The following EYS variants were observed in gnomAD, a reference collection of about 807,000 sequenced individuals.
EYS encodes the protein EGF-like photoreceptor maintenance factor.
EYS carries 250 observed loss-of-function variants against 282.1 expected under a neutral mutation model. The ratio of observed to expected loss-of-function variants is 0.89; its 90% CI spans 0.80 to 0.98. The LOEUF (loss-of-function observed/expected upper bound fraction) is 0.98, where lower values mean the gene tolerates loss of function less well. EYS is among the 50% of genes least tolerant of loss of function. The pLI, the probability that EYS is intolerant of heterozygous loss-of-function variation, is 0.00. For missense variants in EYS, 4,016 were observed against 3,709.0 expected (o/e 1.08, Z -2.15); for synonymous variants, 1,355 against 1,282.9 (o/e 1.06, Z -1.20).
intron 1 of EYS, among the ~76,000 whole-genome samples, chr6:65,646,928 A>T (rs914356580): frequency 1.3e-5 from 2 of 151,894 alleles, no homozygotes; most frequent in African/African-American, 4.9e-5. Context: ...AGCATAAAAA[A>T]TAAAATACTT....
chr6:64,581,809 C>G (rs1210313662), intron 26 of EYS, among the ~76,000 whole-genome samples: 1 of 152,144 alleles, frequency 6.6e-6, no homozygotes, highest in East Asian at 1.9e-4. Flanking sequence ...GATCTAAGGG[C>G]TTCACGAAGG....
chr6:63,736,466 A>G (rs967893981), intron 41 of EYS, among the ~76,000 whole-genome samples: 2 of 152,050 alleles, frequency 1.3e-5, no homozygotes, highest in African/African-American at 4.8e-5. Flanking sequence ...TGGTACCAGT[A>G]CCATGCTGTT....
At chr6:64,707,433 A>G (rs558095874) in intron 22 of EYS, among the ~76,000 whole-genome samples, 28 of 151,962 alleles carry the variant, frequency 1.8e-4, no homozygotes, top group Non-Finnish European at 2.4e-4. Flanking sequence ...ACTTTGGGAG[A>G]CCGAGGTGGG....
At chr6:63,755,986 T>G (rs1346169321) in intron 41 of EYS, among the ~76,000 whole-genome samples, 1 of 152,240 alleles carries the variant, frequency 6.6e-6, no homozygotes, top group Admixed American at 6.5e-5. Flanking sequence ...TCTTGTATCC[T>G]GAGACTTTGC....
Position 64,961,726 on chromosome 6 carries a change from C to T in EYS, c.2260-15812G>A, listed in dbSNP as rs964552773. Among the ~76,000 whole-genome samples, 30 of 151,694 alleles carry T rather than the reference C, an allele frequency of 2.0e-4. 1 individual carries two copies. Among genetic ancestry groups the T allele is most frequent in the African/African-American group, 7.1e-4 (29 of 41,048 alleles). ...ATTAATCCTCTCCCAACTCACAATCCTACCAATACACCTTTATAATGCTCA... is the reference window on the plus strand; with the variant it reads ...ATTAATCCTCTCCCAACTCACAATCTTACCAATACACCTTTATAATGCTCA... On this transcript the variant is annotated intron_variant, in intron 14 of 42. Coordinates refer to ENST00000503581, the MANE Select transcript of EYS (RefSeq NM_001142800.2).
intron 36 of EYS, among the ~76,000 whole-genome samples, chr6:63,808,952 G>C (rs1178033356): frequency 6.6e-6 from 1 of 152,092 alleles, no homozygotes; most frequent in Non-Finnish European, 1.5e-5. Context: ...GTCGCTACTA[G>C]AAAACAAAAT....
intron 2 of EYS, among the ~76,000 whole-genome samples, chr6:65,628,534 T>C (rs527373830): frequency 6.6e-6 from 1 of 152,246 alleles, no homozygotes; most frequent in South Asian, 2.1e-4. Flanking sequence ...TGCACACTCT[T>C]TGGGTCCACG....
At chr6:65,399,344 C>A (rs983996431) in intron 7 of EYS, among the ~76,000 whole-genome samples, 1 of 151,812 alleles carries the variant, frequency 6.6e-6, no homozygotes, top group African/African-American at 2.4e-5. Context: ...CATGTCACCG[C>A]CCAAGTCAAG....
intron 2 of EYS, among the ~76,000 whole-genome samples, chr6:65,496,795 G>A (rs763230140): frequency 2.6e-5 from 4 of 151,998 alleles, no homozygotes; most frequent in Non-Finnish European, 5.9e-5. Flanking sequence ...ATTTTCTACT[G>A]TACTATAAAG....
intron 35 of EYS, among the ~76,000 whole-genome samples, chr6:63,982,902 A>G (rs929403403): frequency 6.6e-6 from 1 of 151,924 alleles, no homozygotes; most frequent in African/African-American, 2.4e-5. Context: ...AATATTTCAG[A>G]CATTAACACA....
At chr6:64,675,327 T>C (rs1769613082) in intron 22 of EYS, among the ~76,000 whole-genome samples, 2 of 152,064 alleles carry the variant, frequency 1.3e-5, no homozygotes, top group Non-Finnish European at 2.9e-5. Flanking sequence ...CAGTTCTTAA[T>C]AAATGCAATA....
chr6:64,043,723 T>G (rs1770495486), intron 33 of EYS, among the ~76,000 whole-genome samples: 1 of 152,226 alleles, frequency 6.6e-6, no homozygotes, highest in Non-Finnish European at 1.5e-5. Flanking sequence ...TATAATACTC[T>G]CTAACACTGT....
intron 5 of EYS, among the ~76,000 whole-genome samples, chr6:65,421,138 C>T (rs1385524221): frequency 1.3e-5 from 2 of 151,826 alleles, no homozygotes; most frequent in East Asian, 1.9e-4. Context: ...TTGACTTTTC[C>T]TCTCTAGCTG....
At chr6:65,230,064 A>G (rs1157071988) in intron 12 of EYS, among the ~76,000 whole-genome samples, 2 of 151,968 alleles carry the variant, frequency 1.3e-5, no homozygotes, top group South Asian at 2.1e-4. Flanking sequence ...TCAATGAACT[A>G]TGAAAAGTGA....
chr6:63,959,949 A>C (rs1765984992), intron 35 of EYS, among the ~76,000 whole-genome samples: 1 of 152,096 alleles, frequency 6.6e-6, no homozygotes, highest in Non-Finnish European at 1.5e-5. Flanking sequence ...TAGGTGCAGC[A>C]AACCACCATG....
chr6:65,078,746 G>C (rs996198005), intron 12 of EYS, among the ~76,000 whole-genome samples: 2 of 151,878 alleles, frequency 1.3e-5, no homozygotes, highest in Non-Finnish European at 2.9e-5. Flanking sequence ...ATTTGTCCCT[G>C]CCCAAATCTC....
chr6:65,518,525 TC>T (rs1451177267), intron 2 of EYS, among the ~76,000 whole-genome samples: 2 of 152,182 alleles, frequency 1.3e-5, no homozygotes, highest in African/African-American at 4.8e-5. Flanking sequence ...GAACACATTA[TC>T]TAATCAAAAA....
chr6:64,077,621 CT>C (rs1257405696), intron 32 of EYS, among the ~76,000 whole-genome samples: 3 of 151,986 alleles, frequency 2.0e-5, no homozygotes, highest in Non-Finnish European at 2.9e-5. Flanking sequence ...AATTTGCCTC[CT>C]GGGACTTGGT....
chr6:65,439,235 C>T (rs999683405), intron 5 of EYS, among the ~76,000 whole-genome samples: 1 of 152,110 alleles, frequency 6.6e-6, no homozygotes, highest in African/African-American at 2.4e-5. Context: ...GTAACAGTAC[C>T]AAGCTGTTTT....
Sources: gnomAD v4.1 joint callset for allele counts (sites outside exome capture counted in the v4.1 genomes callset) on GRCh38, gnomAD v4.1.1 for gene constraint, MANE v1.5 for transcripts, NCBI Gene and HGNC (gene_info 2026-07-23, HGNC 2026-07-21) for gene names.